BABAM2: variants seen among roughly 807,000 people sequenced by gnomAD.
BABAM2 encodes BRISC and BRCA1-A complex member 2.
A neutral mutation model predicts 54.7 loss-of-function variants in BABAM2; 31 were observed. The observed-to-expected ratio is 0.57, with a 90% CI of 0.43 to 0.77. The LOEUF (loss-of-function observed/expected upper bound fraction) is 0.77, where lower values mean the gene tolerates loss of function less well. BABAM2 is among the 30% of genes least tolerant of loss of function. The pLI is 0.00. For missense variants in BABAM2, 364 were observed against 455.8 expected (o/e 0.80, Z 1.83); for synonymous variants, 167 against 162.9 (o/e 1.03, Z -0.19).
intron 3 of BABAM2, among the ~76,000 whole-genome samples, chr2:27,935,544 T>TTCATA (rs1473189492): frequency 2.0e-5 from 3 of 152,370 alleles, no homozygotes; most frequent in African/African-American, 7.2e-5. Context: ...ATGAACATTG[T>TTCATA]TGAAATGACA....
intron 10 of BABAM2, among the ~76,000 whole-genome samples, chr2:28,245,627 T>C (rs1682849345): frequency 6.6e-6 from 1 of 152,208 alleles, no homozygotes. Context: ...AGACCTTCAT[T>C]CTGCAGTAAT....
intron 10 of BABAM2, among the ~76,000 whole-genome samples, chr2:28,293,748 T>G (rs936852623): frequency 3.3e-5 from 5 of 152,154 alleles, no homozygotes; most frequent in African/African-American, 1.2e-4. Flanking sequence ...CCGAGTGTAG[T>G]GGCTCATGCC....
At chr2:28,220,313 C>T (rs939322432) in intron 7 of BABAM2, among the ~76,000 whole-genome samples, 1 of 152,168 alleles carries the variant, frequency 6.6e-6, no homozygotes, top group Non-Finnish European at 1.5e-5. Flanking sequence ...ATCAACCTTA[C>T]AGGGCTTTTG....
At chr2:28,073,245 A>G (rs950907522) in intron 6 of BABAM2, among the ~76,000 whole-genome samples, 2 of 152,200 alleles carry the variant, frequency 1.3e-5, no homozygotes, top group Non-Finnish European at 2.9e-5. Flanking sequence ...TTGTAATCCC[A>G]GCACTTTGGG....
intron 11 of BABAM2, among the ~76,000 whole-genome samples, chr2:28,332,516 C>T (rs1449174177): frequency 6.6e-6 from 1 of 152,182 alleles, no homozygotes. Context: ...CGGGCTAGAG[C>T]TGTGAGTCCT....
chr2:28,329,132 T>A lies in BABAM2; in HGVS notation c.1089-9318T>A, dbSNP rs1174274985. On this transcript the variant is annotated intron_variant, in intron 11 of 11. Transcript: ENST00000379624. This position sits in a 1 kb window ranked among gnomAD's most constrained non-coding sequence, Gnocchi z 4.2. ...CTTTCTTCAGTCTCCTGATTTCCCC[T>A]TCTCTAGAACCCAACCATTATGTCA... Among the ~76,000 whole-genome samples, 3 of 152,162 alleles carry A rather than the reference T, an allele frequency of 2.0e-5. No individual in the cohort carries two copies. The highest frequency in any genetic ancestry group is 7.2e-5 in the African/African-American group (3 of 41,448).
At chr2:28,290,675 G>A (rs552651638) in intron 10 of BABAM2, among the ~76,000 whole-genome samples, 5 of 152,304 alleles carry the variant, frequency 3.3e-5, no homozygotes, top group Admixed American at 2.6e-4. Flanking sequence ...TACCTGGGGA[G>A]GCGAATTAAA....
chr2:28,080,117 T>G (rs990402737), intron 6 of BABAM2, among the ~76,000 whole-genome samples: 5 of 152,164 alleles, frequency 3.3e-5, no homozygotes, highest in Admixed American at 6.5e-5. Context: ...TTCAGATTTT[T>G]AGATTAGATT....
At chr2:28,264,599 C>G (rs1207375022) in intron 10 of BABAM2, among the ~76,000 whole-genome samples, 2 of 152,232 alleles carry the variant, frequency 1.3e-5, no homozygotes, top group African/African-American at 2.4e-5. Flanking sequence ...TCAGTTCATA[C>G]TGTTCCACCA....
intron 6 of BABAM2, among the ~76,000 whole-genome samples, chr2:28,059,602 C>T (rs770632175): frequency 1.1e-4 from 16 of 152,166 alleles, no homozygotes; most frequent in Non-Finnish European, 1.9e-4. Context: ...CAGCAACTCA[C>T]AAGTATGGTC....
At chr2:28,167,702 A>AAAAT (rs1673854288) in intron 7 of BABAM2, among the ~76,000 whole-genome samples, 1 of 34,484 alleles carries the variant, frequency 2.9e-5, no homozygotes, top group Admixed American at 4.1e-4. Context: ...TCAAAAAAAT[A>AAAAT]AATAAATAAA....
At position 28,112,147 on chromosome 2, in the gene BABAM2, T is replaced by TTCTTTCTTTCTTTCCCTCCC. The variant is rs1558346715; in HGVS notation, c.571-17123_571-17122insCTTTCTTTCTTTCCCTCCCT. ...TTTCTTTCTTTCTTTCTTTCTTTCT[T>TTCTTTCTTTCTTTCCCTCCC]TACCTCCCTCCCTCCCTCCCTCCCT... On this transcript the variant is annotated intron_variant, in intron 6 of 11. Transcript: ENST00000379624. Among the ~76,000 whole-genome samples the TTCTTTCTTTCTTTCCCTCCC allele has an allele frequency of 4.6e-3, 24 of 5,246 alleles. 5 individuals carry two copies. The highest frequency in any genetic ancestry group is 9.7e-3 in the Admixed American group (4 of 414). The allele number at this position is 5,246 out of a possible 152,430, so 3.4% of individuals were successfully genotyped here. A position where few individuals can be genotyped will look rare whatever the true frequency, so the allele number is the denominator to read the frequency against.
chr2:28,252,100 C>T (rs900055001), intron 10 of BABAM2, among the ~76,000 whole-genome samples: 2 of 151,634 alleles, frequency 1.3e-5, no homozygotes, highest in African/African-American at 2.4e-5. Flanking sequence ...ATAGGAGAAT[C>T]GCTTGAACCT....
intron 5 of BABAM2, among the ~76,000 whole-genome samples, chr2:28,030,199 G>T (rs904573997): frequency 6.6e-6 from 1 of 152,108 alleles, no homozygotes; most frequent in African/African-American, 2.4e-5. Context: ...TACTTGAGTT[G>T]TAGTTCATCT....
intron 2 of BABAM2, among the ~76,000 whole-genome samples, chr2:27,922,359 A>G (rs994880479): frequency 6.6e-6 from 1 of 152,288 alleles, no homozygotes. Flanking sequence ...GACAAATAAT[A>G]CTGGGAGTCA....
At chr2:28,310,030 T>A (rs1413718126) in intron 11 of BABAM2, 1 of 1,553,720 alleles carries the variant, frequency 6.4e-7, no homozygotes, top group Non-Finnish European at 8.9e-7. Flanking sequence ...ATTGGATCCT[T>A]GAACCCTTTT....
chr2:28,310,289 C>A, intron 11 of BABAM2: 1 of 856,270 alleles, frequency 1.2e-6, no homozygotes. Flanking sequence ...TCCTCTCAGC[C>A]TGTGCAGACC....
intron 7 of BABAM2, among the ~76,000 whole-genome samples, chr2:28,220,766 A>C (rs1201972555): frequency 6.6e-6 from 1 of 152,086 alleles, no homozygotes; most frequent in African/African-American, 2.4e-5. Context: ...TTGCTTCAAC[A>C]AAAAATACAA....
intron 7 of BABAM2, among the ~76,000 whole-genome samples, chr2:28,192,018 C>T (rs1166375015): frequency 6.6e-6 from 1 of 152,052 alleles, no homozygotes; most frequent in Non-Finnish European, 1.5e-5. Flanking sequence ...TTGATGTAGG[C>T]AGGAGATTGT....
Sources: allele counts gnomAD v4.1 joint callset (sites outside exome capture counted in the v4.1 genomes callset), GRCh38; gene constraint gnomAD v4.1.1; non-coding constraint Gnocchi (gnomAD v3.1); transcripts MANE v1.5; gene names NCBI Gene and HGNC (gene_info 2026-07-23, HGNC 2026-07-21).